The following CECR2 variants were observed in gnomAD, a reference collection of about 807,000 sequenced individuals.
CECR2 encodes CECR2 histone acetyl-lysine reader.
CECR2 carries 30 observed loss-of-function variants against 154.5 expected under a neutral mutation model. That is an observed-to-expected ratio of 0.19 (90% CI 0.15 to 0.26). The LOEUF (loss-of-function observed/expected upper bound fraction) is 0.26, where lower values mean the gene tolerates loss of function less well. Ranked by LOEUF, CECR2 falls within the 10% of genes least tolerant of loss-of-function variation. The pLI, the probability that CECR2 is intolerant of heterozygous loss-of-function variation, is 1.00. For missense variants in CECR2, 1,743 were observed against 1,829.3 expected, an observed-to-expected ratio of 0.95 and a Z score of 0.86; for synonymous variants, 725 against 683.7, an observed-to-expected ratio of 1.06 and a Z score of -0.94.
intron 1 of CECR2, among the ~76,000 whole-genome samples, chr22:17,470,555 TC>T (rs1225692243): frequency 1.3e-5 from 2 of 152,066 alleles, no homozygotes; most frequent in Admixed American, 6.6e-5. Flanking sequence ...TCACTCACCA[TC>T]CCCCTACCTT....
chr22:17,419,302 A>G (rs992339458), intron 1 of CECR2: 1 of 160,448 alleles, frequency 6.2e-6, no homozygotes, highest in Non-Finnish European at 1.4e-5. Context: ...AGAACTCCAC[A>G]TCGGCCTGAA....
At chr22:17,546,280 A>T (rs1248770607) in intron 16 of CECR2, among the ~76,000 whole-genome samples, 1 of 151,416 alleles carries the variant, frequency 6.6e-6, no homozygotes, top group Non-Finnish European at 1.5e-5. Flanking sequence ...GAGGTCAGGA[A>T]ATCGAGATCA....
At chr22:17,511,724 T>C (rs537476600) in intron 7 of CECR2, 89 bp from the exon 8 acceptor site, 2 of 1,191,514 alleles carry the variant, frequency 1.7e-6, no homozygotes, top group African/African-American at 1.5e-5. Context: ...TTGGCCACTT[T>C]TTTACTGGCG....
In CECR2 at chr22:17,504,898, A is replaced by G; in HGVS notation, c.752A>G (p.Glu251Gly). Residue 251 changes from glutamate (E) to glycine (G), a missense_variant, in exon 7 of 19, where the codon GAG becomes GGG. Physicochemically the swap from Glu to Gly is moderately conservative, Grantham distance 98. Transcript: ENST00000262608. ...GTWWLLCQTE[E>G]EWRQVTESFR... is the part of the protein sequence containing the mutation. ...TGGTGGCTCCTGTGCCAGACAGAAGAGGAATGGAGACAGGTCACCGAGAGT... is the reference window on the plus strand; with the variant it reads ...TGGTGGCTCCTGTGCCAGACAGAAGGGGAATGGAGACAGGTCACCGAGAGT... The G allele has an allele frequency of 6.2e-7, 1 of 1,613,782 alleles. No individual in the cohort carries two copies. Among genetic ancestry groups the G allele is most frequent in the African/African-American group, 1.3e-5 (1 of 74,970 alleles).
At chr22:17,445,961 T>G (rs1191382193) in intron 1 of CECR2, among the ~76,000 whole-genome samples, 1 of 152,122 alleles carries the variant, frequency 6.6e-6, no homozygotes, top group Non-Finnish European at 1.5e-5. Context: ...ACCATGTTGG[T>G]TTTTTATTTG....
chr22:17,397,129 T>A (rs564204086), intron 1 of CECR2, among the ~76,000 whole-genome samples: 68 of 152,020 alleles, frequency 4.5e-4, no homozygotes, highest in Middle Eastern at 3.4e-3. Context: ...TTTTTTTTTT[T>A]ATTTATTTTA....
chr22:17,406,070 G>T (rs1248079302), intron 1 of CECR2, among the ~76,000 whole-genome samples: 1 of 152,164 alleles, frequency 6.6e-6, no homozygotes, highest in Non-Finnish European at 1.5e-5. Context: ...CAAATATTTG[G>T]GAATTTTCCA....
upstream of CECR2, among the ~76,000 whole-genome samples, chr22:17,364,547 C>T (rs1474044319): frequency 6.6e-6 from 1 of 151,936 alleles, no homozygotes; most frequent in South Asian, 2.1e-4. Context: ...CACAGTGGCT[C>T]ACGCCTTGTA....
At chr22:17,486,485 C>T (rs532676289) in intron 2 of CECR2, among the ~76,000 whole-genome samples, 1 of 152,330 alleles carries the variant, frequency 6.6e-6, no homozygotes, top group Non-Finnish European at 1.5e-5. Context: ...CTAGTGTTCA[C>T]TGTCACACTC....
At position 17,470,325 on chromosome 22, in the gene CECR2, C is replaced by G. The variant is rs181711889; in HGVS notation, c.127-7263C>G. ...TGGTGGTGCACGACTGTAGTCCCAGCTACTCGGGTGGCTGAAGCTGGAGAA... is the reference window on the plus strand; with the variant it reads ...TGGTGGTGCACGACTGTAGTCCCAGGTACTCGGGTGGCTGAAGCTGGAGAA... On this transcript the variant is annotated intron_variant, in intron 1 of 18. Transcript: ENST00000262608. Among the ~76,000 whole-genome samples the G allele has an allele frequency of 1.2e-3, 172 of 149,032 alleles. 2 individuals are homozygous for G. Among genetic ancestry groups the G allele is most frequent in the East Asian group, 2.8e-3 (14 of 5,034 alleles).
At chr22:17,495,583 A>AC (rs397806945) in intron 2 of CECR2, among the ~76,000 whole-genome samples, 7 of 142,446 alleles carry the variant, frequency 4.9e-5, no homozygotes, top group Non-Finnish European at 7.7e-5. Context: ...AAAAAAAAAA[A>AC]CGGGTGTGGT....
In CECR2 at chr22:17,549,253, T is replaced by G; in HGVS notation, c.3966T>G (p.Pro1322=). The G allele has an allele frequency of 6.2e-7, 1 of 1,614,000 alleles. No homozygotes were observed. The highest frequency in any genetic ancestry group is 2.2e-5 in the East Asian group (1 of 44,876). Residue 1322 remains proline, a synonymous_variant, in exon 17 of 19, where the codon CCT becomes CCG. Transcript: ENST00000262608. ...CCAGCGAGTATCTCTATGGAACTCC[T>G]CCGCCTCTGAGTTCAGGAATGGGAT... ...LSASEYLYGT[P]PPLSSGMGFG...
chr22:17,535,055 G>A (rs1033193893), intron 9 of CECR2, among the ~76,000 whole-genome samples: 3 of 151,952 alleles, frequency 2.0e-5, no homozygotes, highest in Non-Finnish European at 4.4e-5. Context: ...GGAGGCTGAG[G>A]CAGGAGAATG....
At chr22:17,505,166 C>A in intron 7 of CECR2, 150 bp downstream of exon 7, 2 of 731,278 alleles carry the variant, frequency 2.7e-6, no homozygotes, top group East Asian at 2.7e-5. Context: ...TAGAATGGGA[C>A]CTCATGCCAC....
intron 1 of CECR2, among the ~76,000 whole-genome samples, chr22:17,444,363 A>G (rs946059616): frequency 2.6e-5 from 4 of 152,212 alleles, no homozygotes; most frequent in African/African-American, 9.7e-5. Flanking sequence ...GCAGTGGCTC[A>G]TGCCTGTAAT....
At chr22:17,422,680 T>C (rs1341775568) in intron 1 of CECR2, among the ~76,000 whole-genome samples, 1 of 152,160 alleles carries the variant, frequency 6.6e-6, no homozygotes, top group Non-Finnish European at 1.5e-5. Flanking sequence ...CCCAGAGTTC[T>C]TGGGTATTAT....
Position 17,503,278 on chromosome 22 carries a change from C to T in CECR2, c.700+147C>T, listed in dbSNP as rs550582858. On this transcript the variant is annotated intron_variant, in intron 6 of 18. Coordinates refer to ENST00000262608, the MANE Select transcript of CECR2 (RefSeq NM_001290047.2). ...CCCTGTACTCTTCTTCAGTTCTCCT[C>T]CTCACACCTTATCCTGTGCCCAGCT... is the stretch of plus-strand genomic sequence containing the variant. The T allele has an allele frequency of 2.0e-5, 13 of 666,512 alleles. 1 individual carries two copies. Among genetic ancestry groups the T allele is most frequent in the African/African-American group, 9.1e-5 (5 of 55,034 alleles). The allele number at this position is 666,512 out of a possible 1,614,324, so 41.3% of individuals were successfully genotyped here. A position where few individuals can be genotyped will look rare whatever the true frequency, so the allele number is the denominator to read the frequency against.
chr22:17,473,992 C>T (rs2055168966), intron 1 of CECR2, among the ~76,000 whole-genome samples: 1 of 152,168 alleles, frequency 6.6e-6, no homozygotes, highest in South Asian at 2.1e-4. Flanking sequence ...TATTTCATCA[C>T]AGGATGGTGA....
intron 1 of CECR2, among the ~76,000 whole-genome samples, chr22:17,394,103 T>G (rs1396131880): frequency 1.3e-5 from 2 of 151,590 alleles, no homozygotes; most frequent in East Asian, 3.9e-4. Flanking sequence ...GTCAGGCTGG[T>G]CTTGAACTCC....
Sources: gnomAD v4.1 joint callset for allele counts (sites outside exome capture counted in the v4.1 genomes callset) on GRCh38, gnomAD v4.1.1 for gene constraint, MANE v1.5 for transcripts, NCBI Gene and HGNC (gene_info 2026-07-23, HGNC 2026-07-21) for gene names.